The following TRAK1 variants were observed in gnomAD, a reference collection of about 807,000 sequenced individuals.
TRAK1 encodes trafficking kinesin protein 1, also known as trafficking kinesin-binding protein 1.
In TRAK1, 33 loss-of-function variants were observed where a neutral mutation model predicts 92.1. The observed-to-expected ratio is 0.36, with a 90% confidence interval of 0.27 to 0.48. The LOEUF is 0.48. TRAK1 is among the 20% of genes least tolerant of loss of function. The pLI, the probability that TRAK1 is intolerant of heterozygous loss-of-function variation, is 0.99. For missense variants in TRAK1, 1,123 were observed against 1,257.9 expected (o/e 0.89, Z 1.62); for synonymous variants, 521 against 517.3 (o/e 1.01, Z -0.10).
chr3:42,052,766 G>C (rs917994408), intron 1 of TRAK1, among the ~76,000 whole-genome samples: 2 of 152,140 alleles, frequency 1.3e-5, no homozygotes, highest in African/African-American at 4.8e-5. Flanking sequence ...TGTATGCATT[G>C]TTCTGTATTG....
At chr3:42,081,687 T>G (rs1559744068) in intron 1 of TRAK1, among the ~76,000 whole-genome samples, 1 of 152,200 alleles carries the variant, frequency 6.6e-6, no homozygotes, top group Non-Finnish European at 1.5e-5. Flanking sequence ...GGTTTGGAAA[T>G]GCTGGCATAT....
chr3:42,081,995 C>G (rs1704459147), intron 1 of TRAK1, among the ~76,000 whole-genome samples: 1 of 152,214 alleles, frequency 6.6e-6, no homozygotes, highest in South Asian at 2.1e-4. Flanking sequence ...AGTTGCTGTA[C>G]ATGTAAAATG....
At chr3:42,078,769 A>AAG (rs1553709703) in intron 1 of TRAK1, among the ~76,000 whole-genome samples, 6 of 144,584 alleles carry the variant, frequency 4.1e-5, no homozygotes, top group Non-Finnish European at 9.1e-5. Flanking sequence ...AAAAAAAAAA[A>AAG]AAAGAAAGAA....
chr3:42,177,148 T>C (rs1703335826), intron 3 of TRAK1, among the ~76,000 whole-genome samples: 1 of 152,252 alleles, frequency 6.6e-6, no homozygotes. Flanking sequence ...AATATCCAGT[T>C]GTAAGTATAA....
chr3:42,193,634 G>A (rs1706149921), intron 8 of TRAK1, among the ~76,000 whole-genome samples, 190 bp from the exon 9 acceptor site: 1 of 152,030 alleles, frequency 6.6e-6, no homozygotes, highest in Admixed American at 6.6e-5. Context: ...GGGGCGGTGG[G>A]CTATAGAGAA....
At chr3:42,069,624 C>T (rs1381042358) in intron 1 of TRAK1, among the ~76,000 whole-genome samples, 2 of 152,134 alleles carry the variant, frequency 1.3e-5, no homozygotes, top group African/African-American at 4.8e-5. Context: ...TAATCTATCT[C>T]TAGAGCGTCT....
chr3:42,203,667 G>A (rs1045831340), intron 13 of TRAK1: 3 of 985,244 alleles, frequency 3.0e-6, no homozygotes, highest in Non-Finnish European at 3.6e-6. Flanking sequence ...CACTTACGAT[G>A]CAAAGCCAAA....
intron 1 of TRAK1, among the ~76,000 whole-genome samples, chr3:42,079,604 C>T (rs189707837): frequency 3.5e-4 from 53 of 151,802 alleles, no homozygotes; most frequent in Non-Finnish European, 7.2e-4. Flanking sequence ...CTCAACCTCC[C>T]GAGTAGCTGG....
chr3:42,055,164 T>C (rs1000474247), intron 1 of TRAK1, among the ~76,000 whole-genome samples: 1 of 151,944 alleles, frequency 6.6e-6, no homozygotes, highest in African/African-American at 2.4e-5. Context: ...AAGTGGTCTG[T>C]CCTCCTTGGC....
chr3:42,211,227 T>C lies in TRAK1; in HGVS notation c.1963+1242T>C, dbSNP rs985275890. On this transcript the variant is annotated intron_variant, in intron 14 of 15. Coordinates refer to ENST00000327628, the MANE Select transcript of TRAK1 (RefSeq NM_001042646.3). ...AAGAGCTGAGGTTCTTGGTGGTGTC[T>C]CCCATTCCCCTGGCTAATTTCAGAC... 2.2e-5 allele frequency: 22 copies of C among 985,374 alleles called. No homozygotes were observed. The African/African-American group carries it at 3.8e-4, about 17-fold the overall frequency. The allele number at this position is 985,374 out of a possible 1,614,324, so 61.0% of individuals were successfully genotyped here.
intron 2 of TRAK1, among the ~76,000 whole-genome samples, chr3:42,167,410 AC>A (rs751094166): frequency 6.6e-6 from 1 of 152,168 alleles, no homozygotes; most frequent in Non-Finnish European, 1.5e-5. Context: ...CCCTGCTGTA[AC>A]CATTTTTGAC....
intron 14 of TRAK1, among the ~76,000 whole-genome samples, chr3:42,213,104 G>T (rs1427475987): frequency 7.2e-6 from 1 of 139,630 alleles, no homozygotes; most frequent in Non-Finnish European, 1.5e-5. Context: ...TGTTGCCTAG[G>T]CTGGAGGGCA....
At chr3:42,211,094 A>G in intron 14 of TRAK1, 1 of 985,452 alleles carries the variant, frequency 1.0e-6, no homozygotes, top group Non-Finnish European at 1.2e-6. Context: ...TGTCATCCTC[A>G]TGACATTCCT....
intron 2 of TRAK1, chr3:42,149,487 C>T (rs1350279616): frequency 5.1e-5 from 78 of 1,535,532 alleles, no homozygotes; most frequent in South Asian, 9.5e-5. Context: ...TTTTACTTGA[C>T]GTTGATGGTG....
chr3:42,129,772 T>C lies in TRAK1; in HGVS notation c.286+4158T>C, dbSNP rs1696949887. Among the ~76,000 whole-genome samples, 2 of 152,088 alleles carry C rather than the reference T, an allele frequency of 1.3e-5. 1 individual carries two copies. The highest frequency in any genetic ancestry group is 4.1e-4 in the South Asian group (2 of 4,822). On this transcript the variant is annotated intron_variant, in intron 2 of 15. Transcript: ENST00000327628. ...TGAGGATGGCGAGGCTCAGGGAAGT[T>C]AGGGAAAAGTCACATACCTAGCAAG...
intron 1 of TRAK1, among the ~76,000 whole-genome samples, chr3:42,071,164 G>A (rs1355866671): frequency 6.6e-6 from 1 of 152,230 alleles, no homozygotes; most frequent in Non-Finnish European, 1.5e-5. Context: ...TTTTTTAAAA[G>A]CCAAGTTCCT....
At chr3:42,038,055 A>AGCT (rs1474476993) in intron 1 of TRAK1, among the ~76,000 whole-genome samples, 1 of 152,204 alleles carries the variant, frequency 6.6e-6, no homozygotes, top group African/African-American at 2.4e-5. Context: ...GCTACCCTGA[A>AGCT]GCTGCTGGAC....
At chr3:42,184,833 G>T in intron 4 of TRAK1, 32 bp downstream of exon 4, 1 of 1,594,762 alleles carries the variant, frequency 6.3e-7, no homozygotes, top group Non-Finnish European at 8.6e-7. Flanking sequence ...CTTCCAGAGG[G>T]GCCCGCCACA....
At chr3:42,185,921 G>A (rs1443164339) in intron 4 of TRAK1, among the ~76,000 whole-genome samples, 7 of 145,698 alleles carry the variant, frequency 4.8e-5, no homozygotes, top group Non-Finnish European at 7.4e-5. Flanking sequence ...TCATCCGCCC[G>A]CCTCAGCCTC....
Sources: allele counts gnomAD v4.1 joint callset (sites outside exome capture counted in the v4.1 genomes callset), GRCh38; gene constraint gnomAD v4.1.1; transcripts MANE v1.5; gene names NCBI Gene and HGNC (gene_info 2026-07-23, HGNC 2026-07-21).